EPHA5: variants seen among roughly 807,000 people sequenced by gnomAD.
EPHA5 encodes the protein ephrin type-A receptor 5.
A neutral mutation model predicts 105.0 loss-of-function variants in EPHA5; 60 were observed. That is an observed-to-expected ratio of 0.57 (90% confidence interval 0.46 to 0.71). The LOEUF is 0.71. Among genes scored for constraint, EPHA5 ranks in the 30% least tolerant of loss-of-function variants. EPHA5 has a pLI of 0.00. For synonymous variants in EPHA5, 513 were observed against 449.1 expected (o/e 1.14, Z -1.80); for missense variants, 1,218 against 1,274.7 (o/e 0.96, Z 0.68).
At chr4:65,395,937 G>A (rs1721185951) in intron 8 of EPHA5, among the ~76,000 whole-genome samples, 1 of 152,176 alleles carries the variant, frequency 6.6e-6, no homozygotes, top group South Asian at 2.1e-4. Context: ...TGCGCTCTAT[G>A]GAGCCAGCAG....
intron 3 of EPHA5, among the ~76,000 whole-genome samples, chr4:65,528,694 T>A (rs1018615458): frequency 2.0e-5 from 3 of 152,170 alleles, no homozygotes; most frequent in African/African-American, 7.2e-5. Flanking sequence ...TTTTTCCAAC[T>A]TTGGTTAAAT....
At chr4:65,605,757 G>C (rs1288288690) in intron 2 of EPHA5, among the ~76,000 whole-genome samples, 1 of 151,964 alleles carries the variant, frequency 6.6e-6, no homozygotes, top group East Asian at 1.9e-4. Flanking sequence ...TAGAAGAAAA[G>C]TACAAGCCCG....
intron 2 of EPHA5, among the ~76,000 whole-genome samples, chr4:65,622,413 G>A (rs6831565): frequency 0.037 from 5,695 of 151,926 alleles, 348 homozygotes; most frequent in African/African-American, 0.13. Flanking sequence ...AGGCAACATG[G>A]CAGATTTGAA....
In EPHA5 at chr4:65,381,072, T is replaced by TG. The variant is rs1719514674; in HGVS notation, c.1794-13649dup. Reference sequence around the variant, plus strand: ...TATATGTCAAGCTCTCTGCACTGTTTGGGGCTCACAGTCAGCACTTAGAAA... The same window carrying TG: ...TATATGTCAAGCTCTCTGCACTGTTTGGGGGCTCACAGTCAGCACTTAGAAA... On this transcript the variant is annotated intron_variant, in intron 8 of 16. Transcript: ENST00000613740. Among the ~76,000 whole-genome samples, 4 of 151,122 alleles carry TG rather than the reference T, an allele frequency of 2.6e-5. No individual in the cohort carries two copies. In the South Asian group the frequency reaches 6.2e-4, roughly 23 times the overall value.
Position 65,669,954 on chromosome 4 carries a change from G to C in EPHA5, c.-212C>G. 1 of 658,202 alleles carries C rather than the reference G, an allele frequency of 1.5e-6. No homozygotes were observed. Among genetic ancestry groups the C allele is most frequent in the Non-Finnish European group, 2.2e-6 (1 of 464,664 alleles). The allele number at this position is 658,202 out of a possible 1,614,324, so 40.8% of individuals were successfully genotyped here. On this transcript the variant is annotated 5_prime_UTR_variant, in exon 1 of 17. Coordinates refer to ENST00000613740, the MANE Select transcript of EPHA5 (RefSeq NM_001281766.3). ...GCTCCTCTCGCCTCCCCCTTTGGTG[G>C]GGTTAAATGAAATATTAGTTCTGGT...
At chr4:65,400,861 A>T (rs1296456784) in intron 8 of EPHA5, among the ~76,000 whole-genome samples, 1 of 152,106 alleles carries the variant, frequency 6.6e-6, no homozygotes, top group African/African-American at 2.4e-5. Context: ...CATGCAAGTG[A>T]TGTTAATATT....
chr4:65,626,612 T>C (rs1398341060), intron 2 of EPHA5, among the ~76,000 whole-genome samples: 16 of 152,194 alleles, frequency 1.1e-4, no homozygotes, highest in Admixed American at 1.0e-3. Context: ...AGAAATTAAG[T>C]TCAAAATCAT....
At chr4:65,595,583 T>TTTA (rs199726248) in intron 3 of EPHA5, among the ~76,000 whole-genome samples, 6,956 of 107,080 alleles carry the variant, frequency 0.065, 237 homozygotes, top group Admixed American at 0.11. Flanking sequence ...CTCACAAGAT[T>TTTA]TTTTTTTTTT....
At chr4:65,649,842 G>A (rs1748441295) in intron 1 of EPHA5, among the ~76,000 whole-genome samples, 1 of 152,076 alleles carries the variant, frequency 6.6e-6, no homozygotes, top group African/African-American at 2.4e-5. Flanking sequence ...TTCATCTTCA[G>A]TGACAACAGA....
At chr4:65,591,496 A>G (rs1443804045) in intron 3 of EPHA5, among the ~76,000 whole-genome samples, 1 of 152,016 alleles carries the variant, frequency 6.6e-6, no homozygotes, top group Non-Finnish European at 1.5e-5. Flanking sequence ...TCTTTATTTC[A>G]TACTCATTTC....
chr4:65,431,873 A>C (rs1417867101), intron 5 of EPHA5, among the ~76,000 whole-genome samples: 1 of 152,048 alleles, frequency 6.6e-6, no homozygotes, highest in Non-Finnish European at 1.5e-5. Context: ...AAAAAGAACA[A>C]GCATGTGGTA....
At chr4:65,515,359 C>T (rs1191688172) in intron 3 of EPHA5, among the ~76,000 whole-genome samples, 3 of 152,048 alleles carry the variant, frequency 2.0e-5, no homozygotes, top group Non-Finnish European at 4.4e-5. Context: ...ATTGCAAAAC[C>T]AGCTTACCAA....
chr4:65,324,742 C>CTTTTTTTT (rs368440921), intron 16 of EPHA5, among the ~76,000 whole-genome samples: 2 of 131,360 alleles, frequency 1.5e-5, no homozygotes, highest in African/African-American at 2.8e-5. Flanking sequence ...CAATGTTTTA[C>CTTTTTTTT]TTTTTTTTTT....
chr4:65,401,144 C>T (rs571280213), intron 8 of EPHA5, among the ~76,000 whole-genome samples: 1 of 152,088 alleles, frequency 6.6e-6, no homozygotes, highest in African/African-American at 2.4e-5. Flanking sequence ...ATTTTTACAT[C>T]TTTCCTAGGA....
intron 3 of EPHA5, among the ~76,000 whole-genome samples, chr4:65,522,239 T>C (rs563403528): frequency 6.6e-6 from 1 of 151,400 alleles, no homozygotes; most frequent in East Asian, 1.9e-4. Context: ...TCCTGCTTCT[T>C]CCCTAGTCTG....
intron 5 of EPHA5, among the ~76,000 whole-genome samples, chr4:65,438,929 T>A (rs1264989566): frequency 2.0e-5 from 3 of 151,856 alleles, no homozygotes; most frequent in African/African-American, 7.3e-5. Flanking sequence ...AATATAAGGG[T>A]TGAGGCAGTT....
intron 3 of EPHA5, among the ~76,000 whole-genome samples, chr4:65,510,079 G>A (rs1022776594): frequency 6.8e-6 from 1 of 146,340 alleles, no homozygotes; most frequent in African/African-American, 2.5e-5. Context: ...TTGTTGCCCA[G>A]GTTGGAGTGC....
At chr4:65,501,153 A>C (rs77526246) in intron 3 of EPHA5, among the ~76,000 whole-genome samples, 48 of 151,484 alleles carry the variant, frequency 3.2e-4, no homozygotes, top group African/African-American at 1.2e-3. Context: ...GGGAATTAAA[A>C]CTCAAAACAT....
chr4:65,534,943 G>T (rs1560661980), intron 3 of EPHA5, among the ~76,000 whole-genome samples: 1 of 152,140 alleles, frequency 6.6e-6, no homozygotes, highest in Non-Finnish European at 1.5e-5. Context: ...AGTGGAAATG[G>T]ACAGCCAGGT....
Sources: gnomAD v4.1 joint callset for allele counts (sites outside exome capture counted in the v4.1 genomes callset) on GRCh38, gnomAD v4.1.1 for gene constraint, MANE v1.5 for transcripts, NCBI Gene and HGNC (gene_info 2026-07-23, HGNC 2026-07-21) for gene names.